The following PLBD1 variants were observed in gnomAD, a reference collection of about 807,000 sequenced individuals.
PLBD1 encodes the protein phospholipase B domain containing 1, also known as lysosomal leucine aminopeptidase.
A neutral mutation model predicts 63.0 loss-of-function variants in PLBD1; 60 were observed. That is an observed-to-expected ratio of 0.95 (90% CI 0.77 to 1.18). The LOEUF is 1.18. Ranked by LOEUF, PLBD1 falls within the 50% of genes most tolerant of loss-of-function variation. PLBD1 has a pLI of 0.00. For missense variants in PLBD1, 598 were observed against 677.9 expected (o/e 0.88, Z 1.31); for synonymous variants, 262 against 248.0 (o/e 1.06, Z -0.53).
At chr12:14,534,591 T>G (rs1237813023) in intron 6 of PLBD1, among the ~76,000 whole-genome samples, 1 of 150,710 alleles carries the variant, frequency 6.6e-6, no homozygotes, top group Non-Finnish European at 1.5e-5. Context: ...TCGCCCAGGC[T>G]GGAGTGCAGT....
At chr12:14,563,441 C>G (rs1300845814) in intron 1 of PLBD1, among the ~76,000 whole-genome samples, 1 of 152,122 alleles carries the variant, frequency 6.6e-6, no homozygotes, top group Non-Finnish European at 1.5e-5. Flanking sequence ...TCACTTGAAC[C>G]TGGGAGGCGG....
intron 1 of PLBD1, among the ~76,000 whole-genome samples, chr12:14,561,143 C>T (rs1420557599): frequency 6.7e-6 from 1 of 150,340 alleles, no homozygotes; most frequent in Non-Finnish European, 1.5e-5. Flanking sequence ...TGAGGTGGGC[C>T]TCAGGGTCAG....
Position 14,503,856 on chromosome 12 carries a change from G to C in PLBD1, c.1578C>G (p.Asn526Lys). 6.2e-7 allele frequency: 1 copy of C among 1,613,862 alleles called. No individual in the cohort carries two copies. Residue 526 changes from asparagine to lysine, a missense_variant, in exon 11 of 11, where the codon AAC becomes AAG. By Grantham distance (94) the Asn-to-Lys change is moderately conservative. Transcript: ENST00000240617. ...GLPVFRWDRF[N>K]KTLHQGMPEV... ...CTGGCATGCCCTGATGTAGAGTTTT[G>C]TTGAAACGGTCCCAGCGAAAAACAG... is the stretch of plus-strand genomic sequence containing the variant.
rs764245365 is a variant in PLBD1, at chr12:14,503,880, A to G, written c.1554T>C (p.Pro518=). Residue 518 remains proline, a synonymous_variant, in exon 11 of 11, where the codon CCT becomes CCC. Coordinates refer to ENST00000240617, the MANE Select transcript of PLBD1 (RefSeq NM_024829.6). ...ISGPTVQGGL[P]VFRWDRFNKT... ...TGTTGAAACGGTCCCAGCGAAAAAC[A>G]GGGAGGCCACCTTGTACTGTGGGAC... The G allele has an allele frequency of 1.2e-6, 2 of 1,614,026 alleles. No individual in the cohort carries two copies. Among genetic ancestry groups the G allele is most frequent in the South Asian group, 1.1e-5 (1 of 91,078 alleles).
chr12:14,514,736 T>A (rs1218069685), intron 6 of PLBD1, among the ~76,000 whole-genome samples: 1 of 146,376 alleles, frequency 6.8e-6, no homozygotes. Flanking sequence ...ATTATAATCT[T>A]TTTAAATTTT....
intron 6 of PLBD1, among the ~76,000 whole-genome samples, chr12:14,513,463 C>T (rs1414517848): frequency 6.6e-6 from 1 of 152,116 alleles, no homozygotes; most frequent in Non-Finnish European, 1.5e-5. Context: ...CTCAAATCAC[C>T]CCACCAGCCC....
intron 2 of PLBD1, among the ~76,000 whole-genome samples, chr12:14,545,035 C>G (rs1339785505): frequency 6.6e-6 from 1 of 152,056 alleles, no homozygotes; most frequent in Non-Finnish European, 1.5e-5. Flanking sequence ...CTCCCTCCCT[C>G]TTTCTCTGTC....
Position 14,567,708 on chromosome 12 carries a change from C to T in PLBD1, c.-12G>A, listed in dbSNP as rs756748178. On this transcript the variant is annotated 5_prime_UTR_variant, in exon 1 of 11. Coordinates refer to ENST00000240617, the MANE Select transcript of PLBD1 (RefSeq NM_024829.6). ...CCGCCGCGGGTCATCGCTCCACGGCCGCGACCTTCCTCTGCGGGATCAGGC... is the reference window on the plus strand; with the variant it reads ...CCGCCGCGGGTCATCGCTCCACGGCTGCGACCTTCCTCTGCGGGATCAGGC... 4 of 1,421,556 alleles carry T rather than the reference C, an allele frequency of 2.8e-6. No individual in the cohort carries two copies. The highest frequency in any genetic ancestry group is 1.5e-5 in the South Asian group (1 of 66,700). 88.1% of individuals were successfully genotyped at this position (1,421,556 alleles called of 1,614,324 possible).
chr12:14,525,179 T>C (rs1945407067), intron 6 of PLBD1, among the ~76,000 whole-genome samples: 2 of 152,124 alleles, frequency 1.3e-5, no homozygotes, highest in African/African-American at 4.8e-5. Flanking sequence ...GGAGAATCGC[T>C]TGAACCTGGG....
At chr12:14,542,143 T>G in intron 3 of PLBD1, 65 bp downstream of exon 3, 10 of 1,393,604 alleles carry the variant, frequency 7.2e-6, no homozygotes, top group Non-Finnish European at 9.1e-6. Context: ...AATTGCTGCT[T>G]GAAATTACAG....
At chr12:14,515,752 T>C (rs1237166281) in intron 6 of PLBD1, among the ~76,000 whole-genome samples, 1 of 152,098 alleles carries the variant, frequency 6.6e-6, no homozygotes, top group Non-Finnish European at 1.5e-5. Context: ...TTCAAGTACA[T>C]GCACTTAATA....
At position 14,506,242 on chromosome 12, in the gene PLBD1, C is replaced by T. The variant is rs749213844; in HGVS notation, c.1399G>A (p.Gly467Ser). ...NNYKKDPYSR[G>S]DPCNTICCRE... ...CAGCAGATGGTATTACAGGGGTCAC[C>T]TCTACTGTAAGGATCCTTCTTATAA... Residue 467 changes from glycine to serine, a missense_variant, in exon 10 of 11, where the codon GGT (glycine) becomes AGT (serine). Transcript: ENST00000240617. 2 of 1,611,722 alleles carry T rather than the reference C, an allele frequency of 1.2e-6. No homozygotes were observed. Among genetic ancestry groups the T allele is most frequent in the Middle Eastern group, 1.6e-4 (1 of 6,080 alleles).
intron 2 of PLBD1, among the ~76,000 whole-genome samples, chr12:14,542,607 T>C (rs950816906): frequency 1.3e-5 from 2 of 152,246 alleles, no homozygotes; most frequent in South Asian, 2.1e-4. Context: ...CACTTCCTGA[T>C]GCTAATTGTT....
intron 6 of PLBD1, among the ~76,000 whole-genome samples, chr12:14,522,030 C>G (rs913517918): frequency 2.0e-5 from 3 of 151,700 alleles, no homozygotes; most frequent in African/African-American, 4.8e-5. Flanking sequence ...GCAGACTACA[C>G]CAAGCAGAAT....
intron 2 of PLBD1, among the ~76,000 whole-genome samples, chr12:14,552,358 G>C (rs1214868019): frequency 6.6e-6 from 1 of 152,182 alleles, no homozygotes; most frequent in Non-Finnish European, 1.5e-5. Context: ...ATAAGGCAAG[G>C]CAAGGACACT....
chr12:14,527,953 C>T (rs904434639), intron 6 of PLBD1, among the ~76,000 whole-genome samples: 6 of 150,494 alleles, frequency 4.0e-5, no homozygotes, highest in African/African-American at 9.8e-5. Context: ...AAAAAAAAGA[C>T]GTTTCATAAT....
rs1016314751 is a variant in PLBD1, at chr12:14,536,556, C to G, written c.699+14G>C. ...ATGAACCAGAACAAGGCAAAAGGAG[C>G]TGCTATGTCTTACCTTGATAAGAGC... On this transcript the variant is annotated intron_variant, in intron 5 of 10. Transcript: ENST00000240617. The G allele has an allele frequency of 1.9e-6, 3 of 1,612,346 alleles. No individual in the cohort carries two copies. The highest frequency in any genetic ancestry group is 2.7e-5 in the African/African-American group (2 of 74,836).
chr12:14,530,593 T>A (rs1489281641), intron 6 of PLBD1, among the ~76,000 whole-genome samples: 1 of 152,194 alleles, frequency 6.6e-6, no homozygotes, highest in Admixed American at 6.5e-5. Context: ...GAAAACTACA[T>A]GATATGACTC....
At chr12:14,554,609 C>T (rs554113761) in intron 1 of PLBD1, among the ~76,000 whole-genome samples, 1 of 152,188 alleles carries the variant, frequency 6.6e-6, no homozygotes, top group Non-Finnish European at 1.5e-5. Context: ...ACACCCTGCA[C>T]TTCCTCCTCC....
Sources: allele counts gnomAD v4.1 joint callset (sites outside exome capture counted in the v4.1 genomes callset), GRCh38; gene constraint gnomAD v4.1.1; transcripts MANE v1.5; gene names NCBI Gene and HGNC (gene_info 2026-07-23, HGNC 2026-07-21).